Variants in PAXBP1 observed in about 807,000 individuals in gnomAD.
PAXBP1 encodes PAX3- and PAX7-binding protein 1.
A neutral mutation model predicts 119.9 loss-of-function variants in PAXBP1; 44 were observed. The observed-to-expected ratio is 0.37, with a 90% confidence interval of 0.29 to 0.47. PAXBP1 has a LOEUF of 0.47. PAXBP1 is among the 20% of genes least tolerant of loss of function. The pLI is 0.99. For synonymous variants in PAXBP1, 393 were observed against 406.6 expected (o/e 0.97, Z 0.40); for missense variants, 898 against 1,134.1 (o/e 0.79, Z 2.99).
At chr21:32,745,476 T>C in intron 12 of PAXBP1, 98 bp downstream of exon 12, 2 of 1,507,144 alleles carry the variant, frequency 1.3e-6, no homozygotes, top group Non-Finnish European at 1.8e-6. Context: ...TCTCATGTAA[T>C]TTCTATAAGG....
At chr21:32,753,016 T>A (rs1294723961) in intron 8 of PAXBP1, among the ~76,000 whole-genome samples, 4 of 152,050 alleles carry the variant, frequency 2.6e-5, no homozygotes, top group Admixed American at 2.0e-4. Flanking sequence ...CCTGAGTGCA[T>A]CAATTACAAT....
Position 32,748,657 on chromosome 21 carries a change from G to A in PAXBP1, c.1765C>T (p.Leu589Phe), listed in dbSNP as rs2043911711. 1 of 1,612,506 alleles carries A rather than the reference G, an allele frequency of 6.2e-7. No individual in the cohort carries two copies. Among genetic ancestry groups the A allele is most frequent in the African/African-American group, 1.3e-5 (1 of 74,856 alleles). Residue 589 changes from leucine (L) to phenylalanine (F), a missense_variant, in exon 11 of 18, where the codon CTT becomes TTT. By Grantham distance (22) the Leu-to-Phe change is conservative. This residue lies in a region of PAXBP1 where 599 missense variants were observed against 852.7 expected (regional missense o/e 0.70). Transcript: ENST00000331923. ...CAGTCAATTGAATAGAAACTTTCAA[G>A]GACATCTTCAAAAACTTTGCCGGAT... ...KESGKVFEDV[L>F]ESFYSIDCIK... is the part of the protein sequence containing the mutation.
intron 5 of PAXBP1, 38 bp from the exon 6 acceptor site, chr21:32,760,032 T>G: frequency 6.6e-7 from 1 of 1,514,678 alleles, no homozygotes; most frequent in Non-Finnish European, 9.0e-7. Context: ...ATCTGGTAGT[T>G]AAAACTTTGA....
intron 15 of PAXBP1, among the ~76,000 whole-genome samples, chr21:32,741,033 T>C (rs761756250): frequency 6.6e-6 from 1 of 152,186 alleles, no homozygotes; most frequent in Admixed American, 6.5e-5. Flanking sequence ...AGATACCACA[T>C]TGCACCCTGT....
At chr21:32,769,190 G>A (rs1291684904) in intron 2 of PAXBP1, among the ~76,000 whole-genome samples, 1 of 152,140 alleles carries the variant, frequency 6.6e-6, no homozygotes. Flanking sequence ...ATTTGCAGGA[G>A]AATAACTCAG....
intron 2 of PAXBP1, among the ~76,000 whole-genome samples, chr21:32,767,584 A>G (rs1015673946): frequency 3.9e-5 from 6 of 152,198 alleles, no homozygotes; most frequent in Non-Finnish European, 5.9e-5. Context: ...GGAGGTAACT[A>G]AATCATGGGG....
chr21:32,740,055 G>A (rs1201364363), intron 15 of PAXBP1, among the ~76,000 whole-genome samples: 1 of 150,678 alleles, frequency 6.6e-6, no homozygotes, highest in African/African-American at 2.4e-5. Context: ...TCAATGGACT[G>A]TGAAAGGGAA....
chr21:32,749,060 A>C (rs1224230453), intron 10 of PAXBP1, among the ~76,000 whole-genome samples: 1 of 152,238 alleles, frequency 6.6e-6, no homozygotes, highest in African/African-American at 2.4e-5. Flanking sequence ...TGCACAGATT[A>C]ACAGCTGTGC....
intron 7 of PAXBP1, among the ~76,000 whole-genome samples, chr21:32,758,162 G>C (rs1043967055): frequency 3.9e-5 from 6 of 152,022 alleles, no homozygotes; most frequent in African/African-American, 1.5e-4. Flanking sequence ...TTGGTTTTAG[G>C]GTATTCAAGT....
rs1437319678 is a variant in PAXBP1, at chr21:32,737,377, A to G, written c.2513T>C (p.Met838Thr). The G allele has an allele frequency of 4.4e-6, 7 of 1,608,362 alleles. No homozygotes were observed. The highest frequency in any genetic ancestry group is 2.2e-5 in the East Asian group (1 of 44,668). Residue 838 changes from methionine to threonine, a missense_variant, in exon 17 of 18, where the codon ATG becomes ACG. By Grantham distance (81) the Met-to-Thr change is moderately conservative (BLOSUM62 -1). This residue lies in a region of PAXBP1 where 599 missense variants were observed against 852.7 expected (regional missense o/e 0.70). Coordinates refer to ENST00000331923, the MANE Select transcript of PAXBP1 (RefSeq NM_016631.4). ...AATAGTCCTTTCTCCTTTCAGATTC[A>G]TGAACCATTGTTTGGGGAAACAATT... is the stretch of plus-strand genomic sequence containing the variant. The part of the protein sequence containing the change: ...VINCFPKQWF[M>T]NLKGERTISQ...
In PAXBP1 at chr21:32,735,168, T is replaced by C. The variant is rs1018555449; in HGVS notation, c.2637-101A>G. ...TTTTAGAGCTTCTGCAATCAATTTTTCCAAGCACACATTTTCAAAGAAAGG... is the reference window on the plus strand; with the variant it reads ...TTTTAGAGCTTCTGCAATCAATTTTCCCAAGCACACATTTTCAAAGAAAGG... On this transcript the variant is annotated intron_variant, in intron 17 of 17. Transcript: ENST00000331923. 5 of 752,722 alleles carry C rather than the reference T, an allele frequency of 6.6e-6. No homozygotes were observed. In the Admixed American group the frequency reaches 1.1e-4, roughly 17 times the overall value. The allele number at this position is 752,722 out of a possible 1,614,324, so 46.6% of individuals were successfully genotyped here. A position where few individuals can be genotyped will look rare whatever the true frequency, so the allele number is the denominator to read the frequency against.
At chr21:32,745,792 CAAG>C (rs1207717090) in intron 11 of PAXBP1, 74 bp from the exon 12 acceptor site, 350 of 1,561,686 alleles carry the variant, frequency 2.2e-4, no homozygotes, top group Non-Finnish European at 2.8e-4. Flanking sequence ...ATAAGAGAAA[CAAG>C]AACTGGATTT....
intron 4 of PAXBP1, among the ~76,000 whole-genome samples, 156 bp downstream of exon 4, chr21:32,761,940 A>G (rs1447442803): frequency 6.6e-6 from 1 of 152,214 alleles, no homozygotes; most frequent in Non-Finnish European, 1.5e-5. Context: ...CGAGAGGCTG[A>G]GACAAGGGTG....
intron 6 of PAXBP1, 187 bp downstream of exon 6, chr21:32,759,590 C>T (rs1416803359): frequency 9.6e-6 from 6 of 627,076 alleles, no homozygotes; most frequent in Middle Eastern, 4.3e-4. Context: ...TATAATTTTT[C>T]GAGGCTTCCA....
At chr21:32,754,766 G>A (rs1156789272) in intron 8 of PAXBP1, among the ~76,000 whole-genome samples, 1 of 152,160 alleles carries the variant, frequency 6.6e-6, no homozygotes, top group Non-Finnish European at 1.5e-5. Flanking sequence ...CTATCTTGGA[G>A]TTGTGTCATT....
rs143060634 is a variant in PAXBP1, at chr21:32,765,287, T to C, written c.473-763A>G. Among the ~76,000 whole-genome samples the C allele has an allele frequency of 5.1e-3, 776 of 152,306 alleles. 6 individuals carry two copies. The highest frequency in any genetic ancestry group is 0.018 in the African/African-American group (729 of 41,566). On this transcript the variant is annotated intron_variant, in intron 2 of 17. Transcript: ENST00000331923. ...GAGAAGAGAGCCTCCTAATTCTCAG[T>C]TCTAATCCACTCCTGAGGCCCATTT... is the stretch of plus-strand genomic sequence containing the variant.
Position 32,771,675 on chromosome 21 carries a change from G to T in PAXBP1, c.-7C>A, listed in dbSNP as rs1037881544. On this transcript the variant is annotated 5_prime_UTR_variant, in exon 1 of 18. Transcript: ENST00000331923. ...GCCGGGCCTTTCGGAACATCCCCGC[G>T]GCCCGCACGGCGGTCGAATACTCGC... The T allele has an allele frequency of 3.6e-6, 5 of 1,397,776 alleles. No individual in the cohort carries two copies. In the Admixed American group the frequency reaches 1.0e-4, roughly 29 times the overall value. The allele number at this position is 1,397,776 out of a possible 1,614,324, so 86.6% of individuals were successfully genotyped here.
At chr21:32,758,433 C>T (rs77835343) in intron 7 of PAXBP1, among the ~76,000 whole-genome samples, 380 of 151,076 alleles carry the variant, frequency 2.5e-3, no homozygotes, top group African/African-American at 8.4e-3. Flanking sequence ...ATTTGAGAAA[C>T]TAGCTGTTTG....
At chr21:32,760,681 G>A (rs1240361766) in intron 5 of PAXBP1, among the ~76,000 whole-genome samples, 1 of 151,996 alleles carries the variant, frequency 6.6e-6, no homozygotes, top group Non-Finnish European at 1.5e-5. Flanking sequence ...AAGATTGCTG[G>A]CCCCACCACC....
Sources: allele counts gnomAD v4.1 joint callset (sites outside exome capture counted in the v4.1 genomes callset), GRCh38; gene constraint gnomAD v4.1.1; regional missense constraint gnomAD v4.1.1; transcripts MANE v1.5; gene names NCBI Gene and HGNC (gene_info 2026-07-23, HGNC 2026-07-21).